The following SDCBP variants were observed in gnomAD, a reference collection of about 807,000 sequenced individuals.
The protein encoded by SDCBP is syndecan binding protein.
A neutral mutation model predicts 30.5 loss-of-function variants in SDCBP; 22 were observed. The ratio of observed to expected loss-of-function variants is 0.72; its 90% CI spans 0.52 to 1.03. The LOEUF (loss-of-function observed/expected upper bound fraction) is 1.03. SDCBP is among the 50% of genes least tolerant of loss of function. The probability of loss-of-function intolerance (pLI) is 0.00; values close to 1 mark genes in which losing one functional copy is unlikely to be tolerated. For synonymous variants in SDCBP, 103 were observed against 118.7 expected (o/e 0.87, Z 0.86); for missense variants, 304 against 369.9 (o/e 0.82, Z 1.46).
intron 4 of SDCBP, among the ~76,000 whole-genome samples, chr8:58,573,740 G>A (rs956027867): frequency 1.3e-5 from 2 of 152,140 alleles, no homozygotes; most frequent in Non-Finnish European, 2.9e-5. Context: ...ACTGACAAAC[G>A]AAATTATAAT....
chr8:58,571,060 T>C (rs1055822078), intron 3 of SDCBP, 95 bp downstream of exon 3: 2 of 825,576 alleles, frequency 2.4e-6, no homozygotes, highest in Non-Finnish European at 3.9e-6. Context: ...TTGGACAGGC[T>C]GCATAAAATT....
intron 2 of SDCBP, 192 bp from the exon 3 acceptor site, chr8:58,570,695 A>G (rs998195750): frequency 9.8e-6 from 5 of 510,312 alleles, no homozygotes; most frequent in Non-Finnish European, 1.7e-5. Context: ...AGTATTTAGA[A>G]TATCAAATAT....
At chr8:58,573,019 G>A (rs1427231015) in intron 4 of SDCBP, among the ~76,000 whole-genome samples, 3 of 151,762 alleles carry the variant, frequency 2.0e-5, no homozygotes, top group South Asian at 2.1e-4. Flanking sequence ...TGTTGGCCAC[G>A]CTGGTCTCGA....
chr8:58,581,748 G>A lies in SDCBP; in HGVS notation c.*8G>A, dbSNP rs577430106. The A allele has an allele frequency of 8.7e-6, 14 of 1,610,222 alleles. No individual in the cohort carries two copies. Among genetic ancestry groups the A allele is most frequent in the Middle Eastern group, 2.1e-4 (1 of 4,818 alleles). On this transcript the variant is annotated 3_prime_UTR_variant, in exon 9 of 9. Coordinates refer to ENST00000260130, the MANE Select transcript of SDCBP (RefSeq NM_005625.4). ...ACCATTCCTGAGGTTTAAAATTCAC[G>A]GCACCATGGAAATGTAGCTGAACGT...
rs147099952 is a variant in SDCBP at position 58,555,776 on chromosome 8, A to T, written c.-16+2473A>T. 8.5e-3 allele frequency among the ~76,000 whole-genome samples: 1,293 copies of T among 151,298 alleles called. 16 individuals carry two copies. Among genetic ancestry groups the T allele is most frequent in the African/African-American group, 0.028 (1,171 of 41,204 alleles). ...AGTTTTTTTTTTTTTTAGAGATGGA[A>T]TCTTGCTCAGGCTGGTCTTGAACTC... On this transcript the variant is annotated intron_variant, in intron 1 of 8. Transcript: ENST00000260130.
chr8:58,565,691 ACAAATG>A (rs983038815), intron 2 of SDCBP, among the ~76,000 whole-genome samples: 10 of 152,120 alleles, frequency 6.6e-5, no homozygotes, highest in African/African-American at 2.4e-4. Flanking sequence ...AGCTTTGAAG[ACAAATG>A]CTTCTGCTTA....
chr8:58,561,733 A>G, intron 1 of SDCBP: 2 of 681,330 alleles, frequency 2.9e-6, no homozygotes, highest in Admixed American at 2.2e-5. Context: ...GTTCAACATG[A>G]AAGTATAAAA....
intron 4 of SDCBP, among the ~76,000 whole-genome samples, chr8:58,573,054 T>A (rs531276825): frequency 2.8e-4 from 43 of 152,234 alleles, no homozygotes; most frequent in Non-Finnish European, 5.1e-4. Flanking sequence ...GTGATCCACC[T>A]GCCTCGACCT....
chr8:58,554,450 A>G (rs1254760686), intron 1 of SDCBP, among the ~76,000 whole-genome samples: 1 of 152,228 alleles, frequency 6.6e-6, no homozygotes, highest in African/African-American at 2.4e-5. Context: ...CTTAAATGGT[A>G]CATAAATATT....
At chr8:58,580,670 T>G in intron 8 of SDCBP, 62 bp downstream of exon 8, 1 of 876,524 alleles carries the variant, frequency 1.1e-6, no homozygotes, top group Non-Finnish European at 1.9e-6. Context: ...AGCACTATAC[T>G]TTAATTCTCA....
intron 1 of SDCBP, among the ~76,000 whole-genome samples, chr8:58,563,582 A>C (rs1804549041): frequency 6.6e-6 from 1 of 152,090 alleles, no homozygotes; most frequent in African/African-American, 2.4e-5. Context: ...TAAAAAAAAA[A>C]CTATCTCATA....
intron 1 of SDCBP, among the ~76,000 whole-genome samples, chr8:58,563,674 T>G (rs565245313): frequency 6.6e-6 from 1 of 152,302 alleles, no homozygotes; most frequent in Non-Finnish European, 1.5e-5. Flanking sequence ...ATAACATGAT[T>G]GAAGAAATAG....
At chr8:58,554,620 A>G (rs1803998188) in intron 1 of SDCBP, among the ~76,000 whole-genome samples, 1 of 152,208 alleles carries the variant, frequency 6.6e-6, no homozygotes, top group African/African-American at 2.4e-5. Flanking sequence ...AAAAAGATGA[A>G]CAAAAGGGGA....
chr8:58,557,510 A>AAT lies in SDCBP; in HGVS notation c.-16+4217_-16+4218dup, dbSNP rs200211067. 4.5e-3 allele frequency among the ~76,000 whole-genome samples: 661 copies of AAT among 146,730 alleles called. 6 individuals carry two copies. Among genetic ancestry groups the AAT allele is most frequent in the African/African-American group, 0.016 (628 of 39,436 alleles). Reference sequence around the variant, plus strand: ...TACATATGCACACACACACATATATAATATATATATAGCCTTTTGGTGTTC... The same window carrying AAT: ...TACATATGCACACACACACATATATAATATATATATATAGCCTTTTGGTGTTC... On this transcript the variant is annotated intron_variant, in intron 1 of 8. Coordinates refer to ENST00000260130, the MANE Select transcript of SDCBP (RefSeq NM_005625.4).
In SDCBP at chr8:58,570,820, T is replaced by C. The variant is rs1397653486; in HGVS notation, c.52-67T>C. The C allele has an allele frequency of 5.5e-6, 6 of 1,090,416 alleles. No homozygotes were observed. In the Admixed American group the frequency reaches 1.1e-4, roughly 20 times the overall value. The allele number at this position is 1,090,416 out of a possible 1,614,324, so 67.5% of individuals were successfully genotyped here. ...CTTTTTGGAAGTACTGGATTTAGCT[T>C]ATAAATTATATAAGAATATAAAGTA... On this transcript the variant is annotated intron_variant, in intron 2 of 8. Transcript: ENST00000260130.
chr8:58,578,743 A>T (rs1239421824), intron 6 of SDCBP, among the ~76,000 whole-genome samples: 1 of 152,224 alleles, frequency 6.6e-6, no homozygotes, highest in Non-Finnish European at 1.5e-5. Flanking sequence ...CTCCATACCC[A>T]ATTAAGGGTA....
chr8:58,580,679 C>T (rs1805642465), intron 8 of SDCBP, 71 bp downstream of exon 8: 2 of 835,870 alleles, frequency 2.4e-6, no homozygotes, highest in Non-Finnish European at 2.0e-6. Context: ...CTTTAATTCT[C>T]AGCCCTTTGG....
At position 58,578,321 on chromosome 8, in the gene SDCBP, TGA is replaced by T. The variant is rs149250442; in HGVS notation, c.578+114_578+115del. 1.8e-3 allele frequency: 1,350 copies of T among 758,510 alleles called. 25 individuals carry two copies. The East Asian group carries it at 0.036, about 20-fold the overall frequency. 47.0% of individuals were successfully genotyped at this position (758,510 alleles called of 1,614,324 possible). On this transcript the variant is annotated intron_variant, in intron 6 of 8. Coordinates refer to ENST00000260130, the MANE Select transcript of SDCBP (RefSeq NM_005625.4). ...GTTGCAGAAAATGATCAAATGTTAT[TGA>T]TGAGCCTTATAGTCTTGCAGTTGTG...
intron 1 of SDCBP, among the ~76,000 whole-genome samples, chr8:58,559,566 T>TC (rs1334847908): frequency 6.6e-6 from 1 of 152,106 alleles, no homozygotes; most frequent in Non-Finnish European, 1.5e-5. Flanking sequence ...TTTTTTTTTT[T>TC]CTCACAAACC....
Sources: allele counts gnomAD v4.1 joint callset (sites outside exome capture counted in the v4.1 genomes callset), GRCh38; gene constraint gnomAD v4.1.1; transcripts MANE v1.5; gene names NCBI Gene and HGNC (gene_info 2026-07-23, HGNC 2026-07-21).